The following HP1BP3 variants were observed in gnomAD, a reference collection of about 807,000 sequenced individuals.
HP1BP3 encodes heterochromatin protein 1 binding protein 3.
HP1BP3 carries 12 observed loss-of-function variants against 62.5 expected under a neutral mutation model. That is an observed-to-expected ratio of 0.19 (90% CI 0.12 to 0.31). The LOEUF (loss-of-function observed/expected upper bound fraction) is 0.31. HP1BP3 is among the 10% of genes least tolerant of loss of function. The pLI, the probability that HP1BP3 is intolerant of heterozygous loss-of-function variation, is 1.00. For synonymous variants in HP1BP3, 260 were observed against 237.8 expected (o/e 1.09, Z -0.86); for missense variants, 502 against 651.8 (o/e 0.77, Z 2.50).
intron 1 of HP1BP3, among the ~76,000 whole-genome samples, chr1:20,782,647 A>C (rs2057614889): frequency 6.6e-6 from 1 of 151,820 alleles, no homozygotes; most frequent in African/African-American, 2.4e-5. Context: ...TCACGCCTGT[A>C]TCTCAGCACT....
At chr1:20,748,604 A>T (rs2055496445) in intron 10 of HP1BP3, among the ~76,000 whole-genome samples, 1 of 152,044 alleles carries the variant, frequency 6.6e-6, no homozygotes, top group South Asian at 2.1e-4. Context: ...ATACAAAAAC[A>T]AAAAAATTAG....
intron 1 of HP1BP3, among the ~76,000 whole-genome samples, chr1:20,785,986 G>T (rs1037613359): frequency 6.6e-6 from 1 of 152,162 alleles, no homozygotes; most frequent in African/African-American, 2.4e-5. Context: ...ACGTTATTTC[G>T]AATTGGATTC....
intron 1 of HP1BP3, among the ~76,000 whole-genome samples, chr1:20,781,137 CAGA>C (rs999858455): frequency 1.3e-5 from 2 of 152,022 alleles, no homozygotes; most frequent in African/African-American, 2.4e-5. Context: ...AAAACTAGTA[CAGA>C]AGAATATAAT....
At chr1:20,770,095 C>T (rs981477786) in intron 6 of HP1BP3, among the ~76,000 whole-genome samples, 2 of 152,114 alleles carry the variant, frequency 1.3e-5, no homozygotes, top group Non-Finnish European at 2.9e-5. Flanking sequence ...TCTAAGTTTC[C>T]ATGCACTATG....
intron 8 of HP1BP3, among the ~76,000 whole-genome samples, chr1:20,763,898 A>G (rs974437273): frequency 2.8e-4 from 42 of 152,286 alleles, no homozygotes; most frequent in Middle Eastern, 3.4e-3. Flanking sequence ...ATGTATGCAT[A>G]TATCTATCAT....
chr1:20,765,763 G>A (rs966966420), intron 7 of HP1BP3, among the ~76,000 whole-genome samples: 2 of 150,104 alleles, frequency 1.3e-5, no homozygotes, highest in Admixed American at 6.6e-5. Flanking sequence ...CTGAGGTCAG[G>A]AGTTAAAGAC....
intron 1 of HP1BP3, among the ~76,000 whole-genome samples, chr1:20,782,922 AAAAAAG>A (rs1463306240): frequency 1.3e-5 from 2 of 150,864 alleles, no homozygotes; most frequent in African/African-American, 4.9e-5. Context: ...AAAAAAAAAA[AAAAAAG>A]AAAGAAAAAA....
intron 1 of HP1BP3, among the ~76,000 whole-genome samples, chr1:20,783,335 A>G (rs2057659879): frequency 6.6e-6 from 1 of 152,124 alleles, no homozygotes; most frequent in African/African-American, 2.4e-5. Flanking sequence ...CCTGGCCAAC[A>G]TGGTGAAACC....
intron 8 of HP1BP3, among the ~76,000 whole-genome samples, chr1:20,763,883 T>C (rs1481917220): frequency 6.6e-6 from 1 of 152,232 alleles, no homozygotes; most frequent in Non-Finnish European, 1.5e-5. Context: ...TATATGTATG[T>C]ACATATGTAT....
intron 1 of HP1BP3, among the ~76,000 whole-genome samples, chr1:20,784,763 A>G (rs780637751): frequency 1.3e-5 from 2 of 152,206 alleles, no homozygotes; most frequent in Non-Finnish European, 1.5e-5. Flanking sequence ...GGCGTGAGCC[A>G]CCGTGCCCGG....
At chr1:20,747,068 T>C (rs2055384749) in intron 11 of HP1BP3, among the ~76,000 whole-genome samples, 1 of 152,160 alleles carries the variant, frequency 6.6e-6, no homozygotes, top group African/African-American at 2.4e-5. Flanking sequence ...TCATTATCAT[T>C]TACTTGATAA....
In HP1BP3 at chr1:20,765,424, G is replaced by A; in HGVS notation, c.843C>T (p.Ile281=). 6.2e-7 allele frequency: 1 copy of A among 1,613,306 alleles called. No individual in the cohort carries two copies. Among genetic ancestry groups the A allele is most frequent in the Non-Finnish European group, 8.5e-7 (1 of 1,179,442 alleles). ...CEPKEASYSL[I]RKYVSQYYPK... ...GATAATACTGAGACACATATTTCCT[G>A]ATGAGACTGTAGGAAGCTTCTTTAG... Residue 281 remains isoleucine, a synonymous_variant, in exon 8 of 13, where the codon ATC becomes ATT. Transcript: ENST00000438032.
intron 7 of HP1BP3, among the ~76,000 whole-genome samples, chr1:20,767,043 G>T (rs547129271): frequency 4.1e-4 from 62 of 152,078 alleles, no homozygotes; most frequent in African/African-American, 1.4e-3. Flanking sequence ...ATTCAGCTGG[G>T]AGCAATGGCT....
intron 4 of HP1BP3, chr1:20,774,720 C>A (rs1238530700): frequency 6.6e-6 from 1 of 152,220 alleles, no homozygotes; most frequent in Non-Finnish European, 1.5e-5. Context: ...CGCGGTGACT[C>A]ATGCCTGTAA....
intron 9 of HP1BP3, among the ~76,000 whole-genome samples, chr1:20,754,626 G>A (rs12036633): frequency 0.058 from 8,814 of 152,050 alleles, 573 homozygotes; most frequent in East Asian, 0.39. Flanking sequence ...TTAGCATGAA[G>A]GATACACCTA....
intron 4 of HP1BP3, chr1:20,776,225 C>G: frequency 4.4e-6 from 2 of 453,586 alleles, no homozygotes; most frequent in Admixed American, 8.2e-5. Context: ...ACTCCTGGCA[C>G]AGAAGTAGGA....
intron 8 of HP1BP3, among the ~76,000 whole-genome samples, chr1:20,761,629 T>C (rs2056488231): frequency 6.6e-6 from 1 of 151,828 alleles, no homozygotes; most frequent in Non-Finnish European, 1.5e-5. Context: ...AGAAGGGAGG[T>C]ATGGGCTAGA....
chr1:20,787,241 G>A lies in HP1BP3; in HGVS notation c.-147C>T. 6.6e-6 allele frequency: 1 copy of A among 152,148 alleles called. No individual in the cohort carries two copies. The highest frequency in any genetic ancestry group is 1.5e-5 in the Non-Finnish European group (1 of 68,002). 9.4% of individuals were successfully genotyped at this position (152,148 alleles called of 1,614,324 possible). A position where few individuals can be genotyped will look rare whatever the true frequency, so the allele number is the denominator to read the frequency against. On this transcript the variant is annotated 5_prime_UTR_variant, in exon 1 of 13. Coordinates refer to ENST00000438032, the MANE Select transcript of HP1BP3 (RefSeq NM_001372052.1). ...GCGCCCGCGTCCCGCACGGCCTCTC[G>A]GCGCCGCTCCCGCCGCCGCTAGTCG...
intron 1 of HP1BP3, among the ~76,000 whole-genome samples, chr1:20,785,977 C>T (rs937937677): frequency 1.3e-5 from 2 of 152,196 alleles, no homozygotes; most frequent in Admixed American, 1.3e-4. Context: ...GATTTTTAGA[C>T]GTTATTTCGA....
Sources: gnomAD v4.1 joint callset for allele counts (sites outside exome capture counted in the v4.1 genomes callset) on GRCh38, gnomAD v4.1.1 for gene constraint, MANE v1.5 for transcripts, NCBI Gene and HGNC (gene_info 2026-07-23, HGNC 2026-07-21) for gene names.